The following BAHCC1 variants were observed in gnomAD, a reference collection of about 807,000 sequenced individuals.
The protein encoded by BAHCC1 is BAH and coiled-coil domain-containing protein 1.
BAHCC1 carries 43 observed loss-of-function variants against 88.2 expected under a neutral mutation model. That is an observed-to-expected ratio of 0.49 (90% confidence interval 0.38 to 0.63). The LOEUF (loss-of-function observed/expected upper bound fraction) is 0.63. Among genes scored for constraint, BAHCC1 ranks in the 20% least tolerant of loss-of-function variants. The pLI is 0.00. For synonymous variants in BAHCC1, 1,510 were observed against 745.5 expected, an observed-to-expected ratio of 2.03 and a Z score of -16.71; for missense variants, 3,023 against 1,654.8, an observed-to-expected ratio of 1.83 and a Z score of -14.34.
Position 81,441,940 on chromosome 17 carries a change from C to T in BAHCC1, c.591C>T (p.Ser197=). 1.3e-6 allele frequency: 1 copy of T among 741,426 alleles called. No homozygotes were observed. The highest frequency in any genetic ancestry group is 2.5e-6 in the Non-Finnish European group (1 of 392,712). 45.9% of individuals were successfully genotyped at this position (741,426 alleles called of 1,614,324 possible). Reference sequence around the variant, plus strand: ...CTGCCCACCCCATGGGCTCCTGCAGCCGGGATCGAGACCGGGGTGAGGCAG... The same window carrying T: ...CTGCCCACCCCATGGGCTCCTGCAGTCGGGATCGAGACCGGGGTGAGGCAG... ...AAPAHPMGSC[S]RDRDRGEAGS... Residue 197 remains serine, a synonymous_variant, in exon 5 of 28, where the codon AGC becomes AGT. Coordinates refer to ENST00000675386, the MANE Select transcript of BAHCC1 (RefSeq NM_001377448.1).
intron 11 of BAHCC1, among the ~76,000 whole-genome samples, chr17:81,448,625 C>A (rs1055500502): frequency 6.6e-6 from 1 of 152,188 alleles, no homozygotes; most frequent in Non-Finnish European, 1.5e-5. Flanking sequence ...AGGGCTCGGC[C>A]GCTGCTTTCT....
rs1250841770 is a variant in BAHCC1 at position 81,443,129 on chromosome 17, A to G, written c.1780A>G (p.Met594Val). 5.1e-6 allele frequency: 4 copies of G among 777,872 alleles called. No individual in the cohort carries two copies. Among genetic ancestry groups the G allele is most frequent in the African/African-American group, 5.1e-5 (3 of 59,128 alleles). 48.2% of individuals were successfully genotyped at this position (777,872 alleles called of 1,614,324 possible). A position where few individuals can be genotyped will look rare whatever the true frequency, so the allele number is the denominator to read the frequency against. ...TGTCCAGGCAGGCCAGGGCACCGCC[A>G]TGGCCATCAGCGAGGAGCGCAAGGC... ...WGVQAGQGTA[M>V]AISEERKAGA... Residue 594 changes from methionine to valine, a missense_variant, in exon 5 of 28, where the codon ATG becomes GTG. Met to Val is a conservative substitution (Grantham distance 21, BLOSUM62 1). Coordinates refer to ENST00000675386, the MANE Select transcript of BAHCC1 (RefSeq NM_001377448.1).
chr17:81,436,676 T>A (rs1555651799), intron 3 of BAHCC1, among the ~76,000 whole-genome samples: 1 of 150,314 alleles, frequency 6.7e-6, no homozygotes, highest in South Asian at 2.1e-4. Flanking sequence ...AAACAGCTGC[T>A]CCAGATGCAG....
chr17:81,461,494 G>C lies in BAHCC1; in HGVS notation c.6831G>C (p.Gln2277His), dbSNP rs1555659368. 1.3e-6 allele frequency: 1 copy of C among 744,208 alleles called. No individual in the cohort carries two copies. Among genetic ancestry groups the C allele is most frequent in the Non-Finnish European group, 2.5e-6 (1 of 400,988 alleles). 46.1% of individuals were successfully genotyped at this position (744,208 alleles called of 1,614,324 possible). A position where few individuals can be genotyped will look rare whatever the true frequency, so the allele number is the denominator to read the frequency against. ...TGGCGCTGCGCAAGTACGCGGGCCA[G>C]GCAGAGTTCCCGCTGCCCTACGACA... is the stretch of plus-strand genomic sequence containing the variant. Reference protein sequence around the residue: ...MGLALRKYAGQAEFPLPYDSD... With the variant: ...MGLALRKYAGHAEFPLPYDSD... Residue 2277 changes from glutamine (Q) to histidine (H), a missense_variant, in exon 26 of 28, where the codon CAG becomes CAC. Physicochemically the swap from Gln to His is conservative, Grantham distance 24. Coordinates refer to ENST00000675386, the MANE Select transcript of BAHCC1 (RefSeq NM_001377448.1).
At chr17:81,415,856 A>G (rs782110340) in intron 2 of BAHCC1, among the ~76,000 whole-genome samples, 6 of 152,214 alleles carry the variant, frequency 3.9e-5, no homozygotes, top group Non-Finnish European at 7.3e-5. Flanking sequence ...GGGGGCTGCA[A>G]CTACCCACAG....
At chr17:81,421,892 G>A (rs547823639) in intron 2 of BAHCC1, 6 of 364,546 alleles carry the variant, frequency 1.6e-5, no homozygotes, top group South Asian at 1.2e-4. Flanking sequence ...GAATTGGGGT[G>A]CAGCATGCGA....
chr17:81,410,077 C>A, intron 2 of BAHCC1: 1 of 376,394 alleles, frequency 2.7e-6, no homozygotes, highest in South Asian at 1.8e-5. Context: ...AGTTGCCCTG[C>A]CCTGCTGGAG....
intron 4 of BAHCC1, among the ~76,000 whole-genome samples, chr17:81,439,575 G>A (rs2064383254): frequency 6.6e-6 from 1 of 151,962 alleles, no homozygotes; most frequent in Non-Finnish European, 1.5e-5. Flanking sequence ...GGTGGACTGG[G>A]AGGTTGTCCC....
intron 1 of BAHCC1, among the ~76,000 whole-genome samples, chr17:81,398,151 GGA>G (rs1310998560): frequency 5.3e-5 from 8 of 152,296 alleles, no homozygotes; most frequent in Non-Finnish European, 8.8e-5. Flanking sequence ...CCCTTTTGTT[GGA>G]GGTGATAAAC....
chr17:81,415,142 G>A (rs1555648416), intron 2 of BAHCC1, among the ~76,000 whole-genome samples: 1 of 152,224 alleles, frequency 6.6e-6, no homozygotes, highest in East Asian at 1.9e-4. Context: ...AGCTGGAGGA[G>A]GGCACCTGGC....
intron 2 of BAHCC1, among the ~76,000 whole-genome samples, chr17:81,409,835 A>C (rs1427014276): frequency 2.0e-5 from 3 of 152,022 alleles, no homozygotes; most frequent in Non-Finnish European, 4.4e-5. Flanking sequence ...TGGCCCTGGG[A>C]CTCATGTCAC....
chr17:81,455,116 G>A (rs1235208910), intron 14 of BAHCC1, 151 bp from the exon 15 acceptor site: 3 of 604,912 alleles, frequency 5.0e-6, no homozygotes, highest in Middle Eastern at 4.3e-4. Context: ...CTCGGCCCCC[G>A]GGGCCCCTCA....
intron 4 of BAHCC1, 39 bp from the exon 5 acceptor site, chr17:81,441,792 C>T: frequency 3.5e-6 from 2 of 567,968 alleles, no homozygotes; most frequent in Non-Finnish European, 6.5e-6. Context: ...CAGCCTCACC[C>T]CTAAGGCCTC....
chr17:81,425,671 A>ATAG (rs782672851), intron 2 of BAHCC1, among the ~76,000 whole-genome samples: 7 of 7,616 alleles, frequency 9.2e-4, no homozygotes, highest in South Asian at 4.2e-3. Flanking sequence ...GTTGGTGGTG[A>ATAG]TGGTGGGTGA....
chr17:81,428,267 C>T (rs1055705440), intron 3 of BAHCC1, among the ~76,000 whole-genome samples: 13 of 152,354 alleles, frequency 8.5e-5, no homozygotes, highest in African/African-American at 2.4e-4. Context: ...TGCCCCACCC[C>T]GCCTCAGCCT....
intron 3 of BAHCC1, among the ~76,000 whole-genome samples, chr17:81,428,986 G>A (rs943488865): frequency 3.9e-5 from 6 of 152,228 alleles, no homozygotes; most frequent in African/African-American, 1.4e-4. Context: ...TCCTCCAGGC[G>A]GGGGTGGCCT....
At position 81,447,190 on chromosome 17, in the gene BAHCC1, G is replaced by A. The variant is rs150395307; in HGVS notation, c.3318G>A (p.Pro1106=). ...CAAGGACATTCCTGCCTGGGGAGCC[G>A]CCTCCCTGCAGCCCCAGGAGCCTGG... The part of the protein sequence containing the change: ...EPTRTFLPGE[P]PPCSPRSLEE... Residue 1106 remains proline, a synonymous_variant, in exon 11 of 28, where the codon CCG becomes CCA. Transcript: ENST00000675386. 142 of 766,044 alleles carry A rather than the reference G, an allele frequency of 1.9e-4. 1 individual carries two copies. The highest frequency in any genetic ancestry group is 1.6e-3 in the Middle Eastern group (7 of 4,364). The allele number at this position is 766,044 out of a possible 1,614,324, so 47.5% of individuals were successfully genotyped here.
chr17:81,403,406 G>C (rs942148584), intron 2 of BAHCC1, among the ~76,000 whole-genome samples: 24 of 151,922 alleles, frequency 1.6e-4, no homozygotes, highest in African/African-American at 5.6e-4. Context: ...GTGGGAGAAA[G>C]GCGAAGGCTC....
In BAHCC1 at chr17:81,399,651, G is replaced by A. The variant is rs1192460113; in HGVS notation, c.-89G>A. On this transcript the variant is annotated 5_prime_UTR_variant, in exon 2 of 28. Coordinates refer to ENST00000675386, the MANE Select transcript of BAHCC1 (RefSeq NM_001377448.1). The surrounding 1 kb of genome is among the most constrained non-coding windows in gnomAD (Gnocchi z 4.5). Reference sequence around the variant, plus strand: ...ACCGCCTGTGACCCCGGACGCCGCCGCCTCTGCGCCGCCCGCGCGCCGAGC... The same window carrying A: ...ACCGCCTGTGACCCCGGACGCCGCCACCTCTGCGCCGCCCGCGCGCCGAGC... 4 of 836,716 alleles carry A rather than the reference G, an allele frequency of 4.8e-6. No individual in the cohort carries two copies. The highest frequency in any genetic ancestry group is 3.7e-5 in the African/African-American group (2 of 53,672). The allele number at this position is 836,716 out of a possible 1,614,324, so 51.8% of individuals were successfully genotyped here.
Sources: allele counts gnomAD v4.1 joint callset (sites outside exome capture counted in the v4.1 genomes callset), GRCh38; gene constraint gnomAD v4.1.1; non-coding constraint Gnocchi (gnomAD v3.1); transcripts MANE v1.5; gene names NCBI Gene and HGNC (gene_info 2026-07-23, HGNC 2026-07-21).